The following MTUS2 variants were observed in gnomAD, a reference collection of about 807,000 sequenced individuals.
MTUS2 encodes the protein microtubule associated scaffold protein 2.
Under a neutral mutation model 114.1 loss-of-function variants are expected in MTUS2, and 40 were observed. The observed-to-expected ratio is 0.35, with a 90% CI of 0.27 to 0.46. The LOEUF is 0.46. Ranked by LOEUF, MTUS2 falls within the 20% of genes least tolerant of loss-of-function variation. The pLI is 1.00. For synonymous variants in MTUS2, 688 were observed against 672.0 expected (o/e 1.02, Z -0.37); for missense variants, 1,679 against 1,705.4 (o/e 0.98, Z 0.27).
chr13:29,159,406 AAAAG>A (rs1443362993), intron 5 of MTUS2, among the ~76,000 whole-genome samples: 1 of 152,238 alleles, frequency 6.6e-6, no homozygotes, highest in Non-Finnish European at 1.5e-5. Context: ...ACTTTTAGGA[AAAAG>A]AATAGGAGGA....
chr13:29,069,402 A>G (rs1368961670), intron 4 of MTUS2, among the ~76,000 whole-genome samples: 3 of 152,202 alleles, frequency 2.0e-5, no homozygotes, highest in Non-Finnish European at 4.4e-5. Flanking sequence ...GTGTGAATGT[A>G]ACCTTCGTCT....
chr13:28,896,884 C>A (rs992442101), intron 2 of MTUS2, among the ~76,000 whole-genome samples: 1 of 152,176 alleles, frequency 6.6e-6, no homozygotes, highest in African/African-American at 2.4e-5. Context: ...TTCCTTACAC[C>A]TTATACAAAA....
intron 5 of MTUS2, among the ~76,000 whole-genome samples, chr13:29,260,753 T>C (rs1006116924): frequency 1.3e-5 from 2 of 152,252 alleles, no homozygotes; most frequent in African/African-American, 4.8e-5. Flanking sequence ...CAGTCCTTTA[T>C]TCAGCTAGAG....
At chr13:29,307,380 G>C in intron 6 of MTUS2, 1 of 856,308 alleles carries the variant, frequency 1.2e-6, no homozygotes. Context: ...ATAGCCATGG[G>C]GCTCTCCAGA....
intron 2 of MTUS2, among the ~76,000 whole-genome samples, chr13:28,930,855 G>C (rs1310183149): frequency 6.6e-6 from 1 of 152,210 alleles, no homozygotes; most frequent in African/African-American, 2.4e-5. Flanking sequence ...TATAGGATTT[G>C]TGGGGTATTG....
At chr13:29,249,496 G>A (rs527927855) in intron 5 of MTUS2, among the ~76,000 whole-genome samples, 4 of 152,014 alleles carry the variant, frequency 2.6e-5, no homozygotes, top group East Asian at 1.9e-4. Flanking sequence ...TTTAATAATC[G>A]CCATTCTGAC....
At chr13:29,343,357 A>T (rs1261637705) in intron 7 of MTUS2, among the ~76,000 whole-genome samples, 3 of 151,902 alleles carry the variant, frequency 2.0e-5, no homozygotes, top group Non-Finnish European at 1.5e-5. Flanking sequence ...GTTTGGAGTT[A>T]TAATTTCTTC....
At chr13:29,203,806 G>A (rs1337024370) in intron 5 of MTUS2, among the ~76,000 whole-genome samples, 1 of 152,054 alleles carries the variant, frequency 6.6e-6, no homozygotes, top group Non-Finnish European at 1.5e-5. Flanking sequence ...CACTTCTCAG[G>A]TGAGGCAGCA....
At chr13:29,302,244 G>A (rs1464507256) in intron 6 of MTUS2, among the ~76,000 whole-genome samples, 1 of 152,200 alleles carries the variant, frequency 6.6e-6, no homozygotes, top group African/African-American at 2.4e-5. Flanking sequence ...GCCCACCCAG[G>A]AGTGGCACAG....
intron 2 of MTUS2, among the ~76,000 whole-genome samples, chr13:28,986,381 A>G (rs1471725828): frequency 6.6e-6 from 1 of 151,906 alleles, no homozygotes; most frequent in Non-Finnish European, 1.5e-5. Context: ...TGATGCATAC[A>G]CTAGGTGGGC....
At chr13:29,359,515 G>C in intron 8 of MTUS2, 42 bp downstream of exon 8, 1 of 1,573,114 alleles carries the variant, frequency 6.4e-7, no homozygotes. Context: ...ATTTTGGTTG[G>C]AGGAGAGTGT....
intron 8 of MTUS2, among the ~76,000 whole-genome samples, chr13:29,374,267 A>G (rs1871413401): frequency 1.3e-5 from 2 of 151,648 alleles, no homozygotes; most frequent in East Asian, 1.9e-4. Context: ...AATGTGGTGC[A>G]GAGAAAATAT....
intron 5 of MTUS2, among the ~76,000 whole-genome samples, chr13:29,226,825 T>C (rs2139343273): frequency 6.6e-6 from 1 of 152,316 alleles, no homozygotes; most frequent in South Asian, 2.1e-4. Context: ...TTTTAAAGCT[T>C]TACTTAAAAG....
chr13:29,027,477 G>A (rs190089997), intron 3 of MTUS2, among the ~76,000 whole-genome samples: 2 of 152,308 alleles, frequency 1.3e-5, no homozygotes, highest in Non-Finnish European at 2.9e-5. Flanking sequence ...TTTGATCTTT[G>A]TTAATCTTCA....
intron 2 of MTUS2, among the ~76,000 whole-genome samples, chr13:28,881,733 G>A (rs3011032): frequency 0.15 from 22,385 of 152,056 alleles, 1,880 homozygotes; most frequent in African/African-American, 0.21. Context: ...GATTAGTAAC[G>A]ATGAGCATTT....
At chr13:29,210,952 GGGA>G (rs1177722932) in intron 5 of MTUS2, among the ~76,000 whole-genome samples, 1 of 152,200 alleles carries the variant, frequency 6.6e-6, no homozygotes, top group Non-Finnish European at 1.5e-5. Context: ...CAGTAGTGTA[GGGA>G]GGATACAAGC....
intron 6 of MTUS2, among the ~76,000 whole-genome samples, chr13:29,308,143 C>T (rs146683745): frequency 1.8e-4 from 28 of 152,236 alleles, no homozygotes; most frequent in African/African-American, 3.4e-4. Flanking sequence ...TCAAGCTGCC[C>T]GACTTCAAAC....
chr13:29,168,115 CA>C (rs1259593129), intron 5 of MTUS2, among the ~76,000 whole-genome samples: 6 of 152,136 alleles, frequency 3.9e-5, no homozygotes, highest in African/African-American at 1.4e-4. Context: ...TACTAAATCT[CA>C]GAAAATATAG....
At chr13:29,477,614 C>T (rs529345431) in intron 9 of MTUS2, among the ~76,000 whole-genome samples, 4 of 152,274 alleles carry the variant, frequency 2.6e-5, no homozygotes, top group Admixed American at 6.5e-5. Flanking sequence ...GTACAAGGTA[C>T]CACAAAGTCT....
Sources: gnomAD v4.1 joint callset for allele counts (sites outside exome capture counted in the v4.1 genomes callset) on GRCh38, gnomAD v4.1.1 for gene constraint, MANE v1.5 for transcripts, NCBI Gene and HGNC (gene_info 2026-07-23, HGNC 2026-07-21) for gene names.